Variants in NFS1 observed in about 807,000 individuals in gnomAD.
NFS1 encodes cysteine desulfurase.
Under a neutral mutation model 57.3 loss-of-function variants are expected in NFS1, and 26 were observed. That is an observed-to-expected ratio of 0.45 (90% CI 0.33 to 0.63). The LOEUF is 0.63. Ranked by LOEUF, NFS1 falls within the 20% of genes least tolerant of loss-of-function variation. The pLI, the probability that NFS1 is intolerant of heterozygous loss-of-function variation, is 0.02. For synonymous variants in NFS1, 209 were observed against 216.3 expected, an observed-to-expected ratio of 0.97 and a Z score of 0.30; for missense variants, 505 against 605.8, an observed-to-expected ratio of 0.83 and a Z score of 1.75.
intron 4 of NFS1, among the ~76,000 whole-genome samples, chr20:35,693,138 T>C (rs1051791984): frequency 6.6e-6 from 1 of 152,186 alleles, no homozygotes; most frequent in Non-Finnish European, 1.5e-5. Flanking sequence ...GGTCTCATTC[T>C]GTCACCCAGG....
chr20:35,697,860 A>G, intron 2 of NFS1, 60 bp from the exon 3 acceptor site: 1 of 1,138,202 alleles, frequency 8.8e-7, no homozygotes, highest in East Asian at 2.4e-5. Flanking sequence ...GTCCCACTCC[A>G]CCCCTCAGAC....
At chr20:35,677,535 G>C (rs1041023960) in intron 7 of NFS1, among the ~76,000 whole-genome samples, 7 of 151,950 alleles carry the variant, frequency 4.6e-5, no homozygotes, top group Non-Finnish European at 1.5e-5. Context: ...CTGAGACCTT[G>C]ACTCAAAAAA....
intron 12 of NFS1, among the ~76,000 whole-genome samples, chr20:35,672,253 C>T (rs896466624): frequency 2.0e-5 from 3 of 151,352 alleles, no homozygotes; most frequent in African/African-American, 7.3e-5. Context: ...CCACTGTGCC[C>T]GGCTTTTTTT....
At chr20:35,687,401 GTCTCTCTCTCTCTCC>G (rs905188619) in intron 5 of NFS1, among the ~76,000 whole-genome samples, 2 of 151,358 alleles carry the variant, frequency 1.3e-5, no homozygotes, top group Non-Finnish European at 2.9e-5. Flanking sequence ...GGCGTAAGCT[GTCTCTCTCTCTCTCC>G]TCTCTCTCTC....
intron 5 of NFS1, among the ~76,000 whole-genome samples, chr20:35,685,865 C>CAAA (rs72491026): frequency 1.5e-5 from 1 of 66,590 alleles, no homozygotes; most frequent in African/African-American, 5.1e-5. Flanking sequence ...TACCCCCCCG[C>CAAA]AAAAAAAAAA....
intron 4 of NFS1, 96 bp from the exon 5 acceptor site, chr20:35,690,661 A>G: frequency 8.4e-7 from 1 of 1,185,654 alleles, no homozygotes; most frequent in Middle Eastern, 2.1e-4. Flanking sequence ...CAAGAACAGT[A>G]TGCTCCAACA....
Position 35,674,503 on chromosome 20 carries a change from A to G in NFS1, c.1054+9T>C. Reference sequence around the variant, plus strand: ...TACCAGAATGAGGATAGAAAGAGCAAGTCCATACCGGGATAATGGTGCTTA... The same window carrying G: ...TACCAGAATGAGGATAGAAAGAGCAGGTCCATACCGGGATAATGGTGCTTA... On this transcript the variant is annotated intron_variant, in intron 9 of 12. Transcript: ENST00000374092. The G allele has an allele frequency of 1.9e-6, 3 of 1,613,228 alleles. No individual in the cohort carries two copies. Among genetic ancestry groups the G allele is most frequent in the Non-Finnish European group, 2.5e-6 (3 of 1,179,132 alleles).
chr20:35,682,351 C>T (rs905870707), intron 5 of NFS1, among the ~76,000 whole-genome samples: 1 of 152,136 alleles, frequency 6.6e-6, no homozygotes, highest in East Asian at 1.9e-4. Context: ...ATTCGTAATA[C>T]CAAAAACCTA....
chr20:35,685,727 G>A lies in NFS1; in HGVS notation c.562-3746C>T, dbSNP rs189222727. Among the ~76,000 whole-genome samples, 60 of 146,608 alleles carry A rather than the reference G, an allele frequency of 4.1e-4. 1 individual carries two copies. The East Asian group carries it at 8.8e-3, about 21-fold the overall frequency. On this transcript the variant is annotated intron_variant, in intron 5 of 12. Transcript: ENST00000374092. ...TACAAAATTAGCCAGGTGTGGTAGC[G>A]CATGCCTATAATCCCAGCTACTGAG...
chr20:35,690,600 TACTC>T (rs953795932), intron 4 of NFS1, 35 bp from the exon 5 acceptor site: 1 of 1,610,314 alleles, frequency 6.2e-7, no homozygotes, highest in Non-Finnish European at 8.5e-7. Context: ...AAGGAGAACA[TACTC>T]AGAGAGACAG....
intron 3 of NFS1, 136 bp from the exon 4 acceptor site, chr20:35,696,596 C>T (rs937078475): frequency 4.8e-6 from 3 of 620,180 alleles, no homozygotes; most frequent in Admixed American, 2.8e-5. Context: ...AGGTCTGCAC[C>T]TACAAGAATC....
intron 2 of NFS1, 101 bp from the exon 3 acceptor site, chr20:35,697,901 C>T (rs922413822): frequency 5.6e-6 from 4 of 714,012 alleles, no homozygotes; most frequent in African/African-American, 5.3e-5. Flanking sequence ...CACTCTCAAC[C>T]CCTCAGGCAC....
At position 35,669,667 on chromosome 20, in the gene NFS1, A is replaced by G. The variant is rs776573848; in HGVS notation, c.1329T>C (p.Val443=). Residue 443 remains valine, a synonymous_variant, in exon 13 of 13, where the codon GTT becomes GTC. Transcript: ENST00000374092. The stretch of plus-strand genomic sequence containing the variant: ...TGCTCTTGAGGTCAATGCCATCCTG[A>G]ACCATCTCCCAGAGAGGGCTGCCAA... ...LREMSPLWEM[V]QDGIDLKSIK... is the part of the protein sequence containing the mutation. 1.2e-6 allele frequency: 2 copies of G among 1,614,120 alleles called. No individual in the cohort carries two copies. Among genetic ancestry groups the G allele is most frequent in the South Asian group, 1.1e-5 (1 of 91,088 alleles).
intron 6 of NFS1, 120 bp downstream of exon 6, chr20:35,681,768 A>C: frequency 1.8e-6 from 1 of 569,724 alleles, no homozygotes; most frequent in Non-Finnish European, 3.3e-6. Context: ...CCTTGAACAA[A>C]GTACTTAGGC....
Position 35,681,937 on chromosome 20 carries a change from G to T in NFS1, c.606C>A (p.Val202=). 2 of 1,613,048 alleles carry T rather than the reference G, an allele frequency of 1.2e-6. No homozygotes were observed. Among genetic ancestry groups the T allele is most frequent in the South Asian group, 2.2e-5 (2 of 91,028 alleles). ...CTCCAATCTCATTGTTCACAGTCAT[G>T]ACTGACACCAGGCTAGTATCTGGCT... is the stretch of plus-strand genomic sequence containing the variant. ...AIQPDTSLVS[V]MTVNNEIGVK... is the part of the protein sequence containing the mutation. The change falls in exon 6 of 13, where the codon GTC becomes GTA. Residue 202 remains valine (V), a synonymous_variant. Transcript: ENST00000374092.
chr20:35,672,694 G>T, intron 12 of NFS1, 61 bp downstream of exon 12: 1 of 1,183,474 alleles, frequency 8.4e-7, no homozygotes, highest in Non-Finnish European at 1.3e-6. Context: ...CATAGCCTAA[G>T]GACAAGAGGG....
At chr20:35,684,963 T>A (rs1049791405) in intron 5 of NFS1, among the ~76,000 whole-genome samples, 1 of 151,084 alleles carries the variant, frequency 6.6e-6, no homozygotes, top group African/African-American at 2.5e-5. Context: ...TCTCACTCAC[T>A]GCAACCTCCG....
At chr20:35,698,957 G>A in intron 1 of NFS1, 1 of 1,319,940 alleles carries the variant, frequency 7.6e-7, no homozygotes, top group African/African-American at 1.5e-5. Flanking sequence ...GCCAGGAGCG[G>A]TCTGAAGGAC....
At chr20:35,690,275 T>C (rs942239122) in intron 5 of NFS1, 138 bp downstream of exon 5, 1 of 806,684 alleles carries the variant, frequency 1.2e-6, no homozygotes, top group Non-Finnish European at 2.0e-6. Flanking sequence ...TCTCGTTCTC[T>C]GCCAGGCTTA....
Sources: gnomAD v4.1 joint callset for allele counts (sites outside exome capture counted in the v4.1 genomes callset) on GRCh38, gnomAD v4.1.1 for gene constraint, MANE v1.5 for transcripts, NCBI Gene and HGNC (gene_info 2026-07-23, HGNC 2026-07-21) for gene names.